Variants in KDM1B observed in about 807,000 individuals in gnomAD.
KDM1B encodes lysine-specific histone demethylase 2.
In KDM1B, 63 loss-of-function variants were observed where a neutral mutation model predicts 107.4. The ratio of observed to expected loss-of-function variants is 0.59; its 90% confidence interval spans 0.48 to 0.72. The LOEUF is 0.72. KDM1B is among the 30% of genes least tolerant of loss of function. The pLI is 0.00. For missense variants in KDM1B, 749 were observed against 1,020.8 expected, an observed-to-expected ratio of 0.73 and a Z score of 3.63; for synonymous variants, 363 against 363.9, an observed-to-expected ratio of 1.00 and a Z score of 0.03.
At chr6:18,210,018 C>A (rs1788714112) in intron 17 of KDM1B, among the ~76,000 whole-genome samples, 1 of 152,202 alleles carries the variant, frequency 6.6e-6, no homozygotes, top group Non-Finnish European at 1.5e-5. Context: ...CTCTGCCTGA[C>A]CCTGGCCAGT....
chr6:18,210,362 T>TTTTTTTTTTG (rs1788769554), intron 17 of KDM1B, among the ~76,000 whole-genome samples: 2 of 101,966 alleles, frequency 2.0e-5, no homozygotes, highest in Non-Finnish European at 3.8e-5. Context: ...TTTTTTTTTT[T>TTTTTTTTTTG]TTTTTTTTTT....
Position 18,183,348 on chromosome 6 carries a change from A to G in KDM1B, c.535-2424A>G, listed in dbSNP as rs146326414. 6.7e-4 allele frequency among the ~76,000 whole-genome samples: 91 copies of G among 136,760 alleles called. 1 individual carries two copies. In the East Asian group the frequency reaches 0.018, roughly 27 times the overall value. 89.7% of individuals were successfully genotyped at this position (136,760 alleles called of 152,430 possible). A position where few individuals can be genotyped will look rare whatever the true frequency, so the allele number is the denominator to read the frequency against. On this transcript the variant is annotated intron_variant, in intron 7 of 21. Transcript: ENST00000650836. ...AATGGCGCAGTCTCGGCTCATTGCA[A>G]CCTCCACCTCCCAGGTTCAAACGAT...
chr6:18,157,321 C>A (rs1784682995), intron 2 of KDM1B, among the ~76,000 whole-genome samples: 1 of 152,136 alleles, frequency 6.6e-6, no homozygotes, highest in Non-Finnish European at 1.5e-5. Flanking sequence ...CATAAAAACC[C>A]TCGATAAGAT....
intron 2 of KDM1B, among the ~76,000 whole-genome samples, chr6:18,158,862 A>G (rs748534673): frequency 2.6e-5 from 4 of 152,230 alleles, no homozygotes; most frequent in Non-Finnish European, 5.9e-5. Context: ...TTTTTCCAGT[A>G]GAAGATACCA....
Position 18,200,652 on chromosome 6 carries a change from A to G in KDM1B, c.1359+76A>G. The stretch of plus-strand genomic sequence containing the variant: ...CAATTTGCTTGTGTGCAGTATTAAT[A>G]TGCTTCTAAAGTAAATTACATATAA... On this transcript the variant is annotated intron_variant, in intron 13 of 21. Coordinates refer to ENST00000650836, the MANE Select transcript of KDM1B (RefSeq NM_001364614.2). The surrounding 1 kb of genome is among the most constrained non-coding windows in gnomAD (Gnocchi z 4.3). The G allele has an allele frequency of 7.1e-7, 1 of 1,400,130 alleles. No homozygotes were observed. Among genetic ancestry groups the G allele is most frequent in the Non-Finnish European group, 9.7e-7 (1 of 1,028,714 alleles). 86.7% of individuals were successfully genotyped at this position (1,400,130 alleles called of 1,614,324 possible). A position where few individuals can be genotyped will look rare whatever the true frequency, so the allele number is the denominator to read the frequency against.
chr6:18,220,759 T>C (rs768331741), intron 21 of KDM1B, among the ~76,000 whole-genome samples: 63 of 151,204 alleles, frequency 4.2e-4, no homozygotes, highest in Non-Finnish European at 5.2e-4. Flanking sequence ...TTGATGCGAT[T>C]ATTACCTCAC....
intron 7 of KDM1B, among the ~76,000 whole-genome samples, chr6:18,185,361 G>T (rs1039014815): frequency 6.6e-6 from 1 of 151,394 alleles, no homozygotes; most frequent in African/African-American, 2.4e-5. Context: ...GAGCGCAGTA[G>T]CGCAGTCTCG....
chr6:18,161,516 A>C, intron 4 of KDM1B, 62 bp downstream of exon 4: 1 of 1,573,102 alleles, frequency 6.4e-7, no homozygotes. Flanking sequence ...TTGTGGAAAC[A>C]TCATCCTTGT....
chr6:18,166,322 G>A lies in KDM1B; in HGVS notation c.361G>A (p.Gly121Ser). 1.2e-6 allele frequency: 2 copies of A among 1,613,518 alleles called. No homozygotes were observed. The highest frequency in any genetic ancestry group is 1.7e-6 in the Non-Finnish European group (2 of 1,179,492). ...ATGGAAAAAAATATGGACTAGCAAT[G>A]GCAAAACCGAACCTAGTCCCAAAGC... ...TTWKKIWTSN[G>S]KTEPSPKAFM... The change falls in exon 6 of 22, where the codon GGC becomes AGC. Residue 121 changes from glycine to serine, a missense_variant. Physicochemically the swap from Gly to Ser is moderately conservative, Grantham distance 56. Coordinates refer to ENST00000650836, the MANE Select transcript of KDM1B (RefSeq NM_001364614.2).
At chr6:18,193,960 G>A (rs1288010529) in intron 10 of KDM1B, among the ~76,000 whole-genome samples, 10 of 151,574 alleles carry the variant, frequency 6.6e-5, no homozygotes, top group African/African-American at 2.2e-4. Flanking sequence ...CGCAATCTCC[G>A]CCTCCTGGGT....
chr6:18,192,487 ATAGCCAGGTGAGTAGGCTGTGCGAGG>A (rs1284150664), intron 10 of KDM1B, among the ~76,000 whole-genome samples: 4 of 152,348 alleles, frequency 2.6e-5, no homozygotes, highest in African/African-American at 2.4e-5. Context: ...TATATGAATT[ATAGCCAGGTGAGTAGGCTGTGCGAGG>A]TAGCCAGCTG....
intron 12 of KDM1B, among the ~76,000 whole-genome samples, chr6:18,198,016 C>G (rs973391662): frequency 6.6e-6 from 1 of 150,686 alleles, no homozygotes; most frequent in Non-Finnish European, 1.5e-5. Context: ...ACCTCTGCCT[C>G]TTGGGTTCAA....
intron 9 of KDM1B, among the ~76,000 whole-genome samples, chr6:18,190,476 C>T (rs1217622264): frequency 2.0e-5 from 3 of 151,790 alleles, no homozygotes; most frequent in Non-Finnish European, 2.9e-5. Context: ...GTGGCGGGCG[C>T]CTGTAGTCCC....
chr6:18,211,323 T>C lies in KDM1B; in HGVS notation c.1867-1165T>C, dbSNP rs903575422. ...TCCATTCCACTCTGATCCTAGGGTGTCATCCTGTACTGCAGATATTAGAAA... is the reference window on the plus strand; with the variant it reads ...TCCATTCCACTCTGATCCTAGGGTGCCATCCTGTACTGCAGATATTAGAAA... On this transcript the variant is annotated intron_variant, in intron 17 of 21. Coordinates refer to ENST00000650836, the MANE Select transcript of KDM1B (RefSeq NM_001364614.2). This position sits in a 1 kb window ranked among gnomAD's most constrained non-coding sequence, Gnocchi z 5.2. 1.3e-5 allele frequency among the ~76,000 whole-genome samples: 2 copies of C among 152,116 alleles called. No homozygotes were observed. The highest frequency in any genetic ancestry group is 4.8e-5 in the African/African-American group (2 of 41,420).
Position 18,213,951 on chromosome 6 carries a change from G to A in KDM1B, c.2109+170G>A, listed in dbSNP as rs143584776. Among the ~76,000 whole-genome samples, 4 of 152,280 alleles carry A rather than the reference G, an allele frequency of 2.6e-5. No individual in the cohort carries two copies. In the East Asian group the frequency reaches 5.8e-4, roughly 22 times the overall value. ...CTGGACATTTTCCTATAGGAAAGGA[G>A]CCCCAGTATTTGCCATGTCTTCTTA... On this transcript the variant is annotated intron_variant, in intron 19 of 21. Coordinates refer to ENST00000650836, the MANE Select transcript of KDM1B (RefSeq NM_001364614.2). The surrounding 1 kb of genome is among the most constrained non-coding windows in gnomAD (Gnocchi z 5.9).
At position 18,221,678 on chromosome 6, in the gene KDM1B, AT is replaced by A; in HGVS notation, c.2386-227del. On this transcript the variant is annotated intron_variant, in intron 21 of 21. Transcript: ENST00000650836. ...CTAGTACCTATCACATATACTTAGT[AT>A]TTTAAAGAGTGCTGCGTAGTACTTC... is the stretch of plus-strand genomic sequence containing the variant. Among the ~76,000 whole-genome samples, 3 of 152,316 alleles carry A rather than the reference AT, an allele frequency of 2.0e-5. No individual in the cohort carries two copies. The East Asian group carries it at 5.8e-4, about 29-fold the overall frequency.
At position 18,203,970 on chromosome 6, in the gene KDM1B, A is replaced by C. The variant is rs1437519105; in HGVS notation, c.1532-1567A>C. Among the ~76,000 whole-genome samples, 1 of 152,132 alleles carries C rather than the reference A, an allele frequency of 6.6e-6. No individual in the cohort carries two copies. Among genetic ancestry groups the C allele is most frequent in the African/African-American group, 2.4e-5 (1 of 41,436 alleles). On this transcript the variant is annotated intron_variant, in intron 14 of 21. Transcript: ENST00000650836. This position sits in a 1 kb window ranked among gnomAD's most constrained non-coding sequence, Gnocchi z 5.5. ...AAACCAACAGGAATGTAGAAACTGC[A>C]CAGCAGGAAGCGGGGATGGGACTTC...
In KDM1B at chr6:18,222,655, A is replaced by C. The variant is rs927551694; in HGVS notation, c.*663A>C. The C allele has an allele frequency of 7.5e-5, 12 of 160,350 alleles. No homozygotes were observed. Among genetic ancestry groups the C allele is most frequent in the African/African-American group, 2.9e-4 (12 of 41,492 alleles). The allele number at this position is 160,350 out of a possible 1,614,324, so 9.9% of individuals were successfully genotyped here. A position where few individuals can be genotyped will look rare whatever the true frequency, so the allele number is the denominator to read the frequency against. On this transcript the variant is annotated 3_prime_UTR_variant, in exon 22 of 22. Transcript: ENST00000650836. ...AGATTTGTGCACCCATTGGCAAAAC[A>C]GGAAAGTTTCCAGATAGGTATTGTA...
In KDM1B at chr6:18,214,120, AG is replaced by A. The variant is rs2151028755; in HGVS notation, c.2109+342del. 6.6e-6 allele frequency among the ~76,000 whole-genome samples: 1 copy of A among 152,212 alleles called. No homozygotes were observed. The highest frequency in any genetic ancestry group is 2.4e-5 in the African/African-American group (1 of 41,530). Reference sequence around the variant, plus strand: ...GAAACTTCCTCTCTGAGGGTCCTCTAGGGAGCTGGGAAAGGGTGTATGATTG... The same window carrying A: ...GAAACTTCCTCTCTGAGGGTCCTCTAGGAGCTGGGAAAGGGTGTATGATTG... On this transcript the variant is annotated intron_variant, in intron 19 of 21. Coordinates refer to ENST00000650836, the MANE Select transcript of KDM1B (RefSeq NM_001364614.2). This position sits in a 1 kb window ranked among gnomAD's most constrained non-coding sequence, Gnocchi z 4.4.
Sources: allele counts gnomAD v4.1 joint callset (sites outside exome capture counted in the v4.1 genomes callset), GRCh38; gene constraint gnomAD v4.1.1; non-coding constraint Gnocchi (gnomAD v3.1); transcripts MANE v1.5; gene names NCBI Gene and HGNC (gene_info 2026-07-23, HGNC 2026-07-21).